EBF1: variants seen among roughly 807,000 people sequenced by gnomAD.
The protein encoded by EBF1 is EBF transcription factor 1, also known as transcription factor COE1.
Under a neutral mutation model 68.4 loss-of-function variants are expected in EBF1, and 10 were observed. The observed-to-expected ratio is 0.15, with a 90% CI of 0.09 to 0.25. The LOEUF is 0.25. Among genes scored for constraint, EBF1 ranks in the 10% least tolerant of loss-of-function variants. EBF1 has a pLI of 1.00. For missense variants in EBF1, 509 were observed against 794.4 expected, an observed-to-expected ratio of 0.64 and a Z score of 4.32; for synonymous variants, 298 against 299.8, an observed-to-expected ratio of 0.99 and a Z score of 0.06.
chr5:159,015,641 G>C (rs554678541), intron 6 of EBF1, among the ~76,000 whole-genome samples: 4 of 152,170 alleles, frequency 2.6e-5, no homozygotes, highest in Non-Finnish European at 2.9e-5. Context: ...CAGGAACACT[G>C]AGACTATTTA....
intron 6 of EBF1, among the ~76,000 whole-genome samples, chr5:158,884,955 T>C (rs1179307172): frequency 6.6e-6 from 1 of 152,142 alleles, no homozygotes; most frequent in Non-Finnish European, 1.5e-5. Flanking sequence ...TAACTCTACA[T>C]TCATACCCAG....
chr5:158,768,523 C>A (rs1773233117), intron 10 of EBF1, among the ~76,000 whole-genome samples: 3 of 151,984 alleles, frequency 2.0e-5, no homozygotes, highest in African/African-American at 7.3e-5. Flanking sequence ...GGAATGTAAG[C>A]AATTTCAATA....
intron 6 of EBF1, among the ~76,000 whole-genome samples, chr5:158,865,732 C>G (rs1186543149): frequency 6.6e-6 from 1 of 152,130 alleles, no homozygotes; most frequent in Admixed American, 6.6e-5. Flanking sequence ...TACAATCACT[C>G]TAATCTGATC....
intron 10 of EBF1, among the ~76,000 whole-genome samples, chr5:158,764,978 T>C (rs1772341655): frequency 6.6e-6 from 1 of 152,160 alleles, no homozygotes; most frequent in African/African-American, 2.4e-5. Flanking sequence ...AAGGAATTGA[T>C]GAATGAGAAA....
intron 6 of EBF1, among the ~76,000 whole-genome samples, chr5:158,981,695 G>T (rs1212553354): frequency 6.6e-6 from 1 of 151,992 alleles, no homozygotes; most frequent in Non-Finnish European, 1.5e-5. Flanking sequence ...TATTTTTAAA[G>T]GTTTTATGTT....
chr5:158,701,498 G>T (rs1756763448), intron 15 of EBF1, among the ~76,000 whole-genome samples: 1 of 152,146 alleles, frequency 6.6e-6, no homozygotes, highest in African/African-American at 2.4e-5. Flanking sequence ...AGTTAACAGC[G>T]CTTTTTATTT....
intron 6 of EBF1, among the ~76,000 whole-genome samples, chr5:158,913,794 C>T (rs745513234): frequency 2.6e-5 from 4 of 152,074 alleles, no homozygotes; most frequent in African/African-American, 4.8e-5. Flanking sequence ...CATGAGAGCG[C>T]GAGTATTATA....
At chr5:158,955,834 A>C (rs909081226) in intron 6 of EBF1, among the ~76,000 whole-genome samples, 3 of 152,188 alleles carry the variant, frequency 2.0e-5, no homozygotes, top group Non-Finnish European at 4.4e-5. Context: ...AGTCACAAGA[A>C]GATGCTGCAG....
chr5:158,948,779 C>T (rs905255293), intron 6 of EBF1, among the ~76,000 whole-genome samples: 3 of 152,174 alleles, frequency 2.0e-5, no homozygotes, highest in Non-Finnish European at 2.9e-5. Context: ...ACAGAGAAGC[C>T]GAGCTCTCGA....
At chr5:158,817,157 C>T (rs576662918) in intron 8 of EBF1, among the ~76,000 whole-genome samples, 41 of 152,248 alleles carry the variant, frequency 2.7e-4, no homozygotes, top group South Asian at 6.2e-4. Flanking sequence ...CTTGCCTGGG[C>T]GCAACAGGAG....
intron 10 of EBF1, among the ~76,000 whole-genome samples, chr5:158,739,484 G>A: frequency 6.6e-6 from 1 of 152,092 alleles, no homozygotes; most frequent in East Asian, 1.9e-4. Context: ...AACAGAAGTT[G>A]AATGTACACA....
intron 6 of EBF1, among the ~76,000 whole-genome samples, chr5:159,042,520 A>G (rs1221012469): frequency 1.3e-5 from 2 of 152,110 alleles, no homozygotes; most frequent in Non-Finnish European, 2.9e-5. Flanking sequence ...CTGGGAAACA[A>G]TAAACTTCCT....
At chr5:158,909,668 G>A (rs990328790) in intron 6 of EBF1, among the ~76,000 whole-genome samples, 1 of 152,128 alleles carries the variant, frequency 6.6e-6, no homozygotes, top group Admixed American at 6.5e-5. Flanking sequence ...GCCGGGTGCG[G>A]TGGCTGACAC....
intron 10 of EBF1, among the ~76,000 whole-genome samples, chr5:158,736,759 T>C (rs1765270323): frequency 6.6e-6 from 1 of 152,220 alleles, no homozygotes. Flanking sequence ...TGTTCCATAA[T>C]GGCCCCATTT....
At chr5:158,944,582 C>G (rs1814230988) in intron 6 of EBF1, among the ~76,000 whole-genome samples, 1 of 152,112 alleles carries the variant, frequency 6.6e-6, no homozygotes, top group Non-Finnish European at 1.5e-5. Flanking sequence ...GGGTATACAC[C>G]CAGTAACGGG....
intron 6 of EBF1, among the ~76,000 whole-genome samples, chr5:159,061,677 A>ATGGC (rs1157566028): frequency 6.6e-6 from 1 of 151,868 alleles, no homozygotes; most frequent in Non-Finnish European, 1.5e-5. Context: ...GAATCGAAAC[A>ATGGC]TGGCTCAAGA....
At chr5:159,035,317 A>C (rs957070405) in intron 6 of EBF1, among the ~76,000 whole-genome samples, 2 of 152,184 alleles carry the variant, frequency 1.3e-5, no homozygotes, top group South Asian at 4.1e-4. Flanking sequence ...AAAATAAAAA[A>C]TAAATAATAA....
In EBF1 at chr5:158,984,362, T is replaced by C. The variant is rs1164847600; in HGVS notation, c.554+89034A>G. ...CCTGAGTTTATACTTCATTTTTCCATTTTGTAGATACTGACCTTTTTTTAG... is the reference window on the plus strand; with the variant it reads ...CCTGAGTTTATACTTCATTTTTCCACTTTGTAGATACTGACCTTTTTTTAG... On this transcript the variant is annotated intron_variant, in intron 6 of 15. Transcript: ENST00000313708. 3.3e-5 allele frequency among the ~76,000 whole-genome samples: 5 copies of C among 152,220 alleles called. No homozygotes were observed. The East Asian group carries it at 9.6e-4, about 29-fold the overall frequency.
intron 6 of EBF1, among the ~76,000 whole-genome samples, chr5:158,938,883 A>G (rs189555272): frequency 1.4e-4 from 22 of 152,360 alleles, no homozygotes; most frequent in Admixed American, 1.1e-3. Context: ...TCAAAGCTCA[A>G]AGCTCTTCTT....
Sources: gnomAD v4.1 joint callset for allele counts (sites outside exome capture counted in the v4.1 genomes callset) on GRCh38, gnomAD v4.1.1 for gene constraint, MANE v1.5 for transcripts, NCBI Gene and HGNC (gene_info 2026-07-23, HGNC 2026-07-21) for gene names.